The following MYO18B variants were observed in gnomAD, a reference collection of about 807,000 sequenced individuals.
MYO18B encodes the protein myosin XVIIIB, also known as unconventional myosin-XVIIIb.
MYO18B carries 204 observed loss-of-function variants against 273.0 expected under a neutral mutation model. The observed-to-expected ratio is 0.75, with a 90% CI of 0.67 to 0.84. MYO18B has a LOEUF of 0.84. Among genes scored for constraint, MYO18B ranks in the 40% least tolerant of loss-of-function variants. The pLI is 0.00. For synonymous variants in MYO18B, 1,330 were observed against 1,305.7 expected (o/e 1.02, Z -0.40); for missense variants, 3,212 against 3,287.6 (o/e 0.98, Z 0.56).
At chr22:26,042,923 T>C in the MYO18B span, among the ~76,000 whole-genome samples, 25 of 152,318 alleles carry the variant, frequency 1.6e-4, no homozygotes, top group South Asian at 5.2e-3. Context: ...TCTAATTTTT[T>C]TGTTGAGATC....
chr22:25,826,557 C>T (rs1320328056), intron 14 of MYO18B, 58 bp downstream of exon 14: 4 of 1,466,970 alleles, frequency 2.7e-6, no homozygotes, highest in East Asian at 2.3e-5. Flanking sequence ...CAGATGAATT[C>T]ACATACCGGG....
chr22:25,946,317 C>G, intron 35 of MYO18B, 67 bp downstream of exon 35: 1 of 1,093,214 alleles, frequency 9.1e-7, no homozygotes, highest in Non-Finnish European at 1.3e-6. Context: ...TAGTGTGGGC[C>G]TAGTGTGCGC....
intron 33 of MYO18B, among the ~76,000 whole-genome samples, chr22:25,911,907 A>C (rs2092166494): frequency 6.6e-6 from 1 of 152,212 alleles, no homozygotes; most frequent in South Asian, 2.1e-4. Context: ...CTGCTGCATG[A>C]AATCCCAACA....
intron 7 of MYO18B, among the ~76,000 whole-genome samples, chr22:25,777,329 G>C (rs946038609): frequency 6.6e-6 from 1 of 152,202 alleles, no homozygotes; most frequent in Admixed American, 6.5e-5. Context: ...TCTCATTCAA[G>C]CCTCTAACTA....
intron 12 of MYO18B, among the ~76,000 whole-genome samples, chr22:25,804,262 A>G (rs1280633848): frequency 6.6e-6 from 1 of 152,042 alleles, no homozygotes; most frequent in East Asian, 1.9e-4. Flanking sequence ...AGCCCACACC[A>G]TTCCTCTGTC....
intron 39 of MYO18B, among the ~76,000 whole-genome samples, chr22:25,971,883 T>C (rs1485623072): frequency 6.6e-6 from 1 of 152,150 alleles, no homozygotes; most frequent in Non-Finnish European, 1.5e-5. Flanking sequence ...AACAGGGTCC[T>C]AGGGACAATT....
intron 1 of MYO18B, among the ~76,000 whole-genome samples, chr22:25,750,362 C>A (rs1203546879): frequency 6.6e-6 from 1 of 152,162 alleles, no homozygotes; most frequent in African/African-American, 2.4e-5. Flanking sequence ...TGAGGGAGTC[C>A]ATTGGAAGAG....
In MYO18B at chr22:26,026,873, A is replaced by G; in HGVS notation, c.6899A>G (p.Asn2300Ser). Residue 2300 changes from asparagine (N) to serine (S), a missense_variant, in exon 43 of 44, where the codon AAC (asparagine) becomes AGC (serine). Physicochemically the swap from Asn to Ser is conservative, Grantham distance 46. Transcript: ENST00000335473. The part of the protein sequence containing the change: ...RRGRAGSDEG[N>S]LSLRVGAKSP... ...GGCAGGGCTGGCAGTGACGAGGGAAACCTCTCGCTGAGGGTTGGGGCAAAG... is the reference window on the plus strand; with the variant it reads ...GGCAGGGCTGGCAGTGACGAGGGAAGCCTCTCGCTGAGGGTTGGGGCAAAG... 6.3e-7 allele frequency: 1 copy of G among 1,597,212 alleles called. No individual in the cohort carries two copies. Among genetic ancestry groups the G allele is most frequent in the Non-Finnish European group, 8.5e-7 (1 of 1,171,438 alleles).
intron 33 of MYO18B, among the ~76,000 whole-genome samples, chr22:25,915,754 C>G (rs779543326): frequency 2.0e-5 from 3 of 151,974 alleles, no homozygotes; most frequent in Non-Finnish European, 4.4e-5. Context: ...CCAGATAAAC[C>G]TTTCTTAGTC....
chr22:26,013,456 G>A (rs1764024199), intron 42 of MYO18B, among the ~76,000 whole-genome samples: 1 of 152,118 alleles, frequency 6.6e-6, no homozygotes. Context: ...TAGACAATTA[G>A]GTTGTTTATG....
At chr22:25,837,797 C>T (rs541752189) in intron 17 of MYO18B, among the ~76,000 whole-genome samples, 4 of 152,218 alleles carry the variant, frequency 2.6e-5, no homozygotes, top group South Asian at 2.1e-4. Flanking sequence ...CAGTGACTGG[C>T]GCAGAGCTGA....
intron 40 of MYO18B, among the ~76,000 whole-genome samples, chr22:26,002,603 A>G (rs1254432257): frequency 6.6e-6 from 1 of 152,140 alleles, no homozygotes; most frequent in Non-Finnish European, 1.5e-5. Flanking sequence ...TAGGTGTCTG[A>G]GGTTTGCGGT....
intron 11 of MYO18B, 109 bp from the exon 12 acceptor site, chr22:25,797,844 A>G (rs1025365860): frequency 3.3e-6 from 5 of 1,499,312 alleles, no homozygotes; most frequent in South Asian, 2.3e-5. Flanking sequence ...TATTGTGGCA[A>G]TAAAATGACC....
intron 2 of MYO18B, among the ~76,000 whole-genome samples, chr22:25,762,417 CT>C (rs1271801927): frequency 2.6e-5 from 4 of 152,212 alleles, no homozygotes; most frequent in Non-Finnish European, 5.9e-5. Flanking sequence ...GCACTGGTGA[CT>C]TTTTTTTCTT....
At chr22:26,029,011 T>G (rs1181287509) in intron 43 of MYO18B, among the ~76,000 whole-genome samples, 1 of 152,174 alleles carries the variant, frequency 6.6e-6, no homozygotes, top group African/African-American at 2.4e-5. Context: ...TTATTCCCAT[T>G]TACCAGGTTG....
In MYO18B at chr22:25,792,497, C is replaced by CTTTTTTTT. The variant is rs58679561; in HGVS notation, c.2377-5447_2377-5440dup. Among the ~76,000 whole-genome samples, 481 of 107,912 alleles carry CTTTTTTTT rather than the reference C, an allele frequency of 4.5e-3. 14 individuals carry two copies. The highest frequency in any genetic ancestry group is 5.9e-3 in the Non-Finnish European group (341 of 58,278). The allele number at this position is 107,912 out of a possible 152,430, so 70.8% of individuals were successfully genotyped here. A position where few individuals can be genotyped will look rare whatever the true frequency, so the allele number is the denominator to read the frequency against. Reference sequence around the variant, plus strand: ...GTGATGTTTCTTTTTTTTTTCTTTTCTTTTTTTTTTTTTTTTGAGACAGAG... The same window carrying CTTTTTTTT: ...GTGATGTTTCTTTTTTTTTTCTTTTCTTTTTTTTTTTTTTTTTTTTTTTTGAGACAGAG... On this transcript the variant is annotated intron_variant, in intron 11 of 43. Transcript: ENST00000335473.
Position 25,781,609 on chromosome 22 carries a change from C to CAAAAAAA in MYO18B, c.2212-115_2212-109dup, listed in dbSNP as rs67116433. 851 of 276,692 alleles carry CAAAAAAA rather than the reference C, an allele frequency of 3.1e-3. 4 individuals carry two copies. Among genetic ancestry groups the CAAAAAAA allele is most frequent in the Non-Finnish European group, 3.8e-3 (612 of 161,370 alleles). The allele number at this position is 276,692 out of a possible 1,614,324, so 17.1% of individuals were successfully genotyped here. On this transcript the variant is annotated intron_variant, in intron 9 of 43. Transcript: ENST00000335473. ...TGGGCAACAGAGCGAGACTCCGTCT[C>CAAAAAAA]AAAAAAAAAAAAAAAAGAGTGGATC...
intron 32 of MYO18B, among the ~76,000 whole-genome samples, chr22:25,909,875 G>A (rs1343938083): frequency 6.6e-6 from 1 of 152,146 alleles, no homozygotes; most frequent in African/African-American, 2.4e-5. Context: ...TCAGGAGAGA[G>A]GACACTAACT....
At chr22:25,818,194 C>T (rs754601884) in intron 12 of MYO18B, among the ~76,000 whole-genome samples, 4 of 152,202 alleles carry the variant, frequency 2.6e-5, no homozygotes, top group Non-Finnish European at 5.9e-5. Flanking sequence ...GGGGAAAATC[C>T]ACTTCCCCCA....
Sources: allele counts gnomAD v4.1 joint callset (sites outside exome capture counted in the v4.1 genomes callset), GRCh38; gene constraint gnomAD v4.1.1; transcripts MANE v1.5; gene names NCBI Gene and HGNC (gene_info 2026-07-23, HGNC 2026-07-21).